SETBP1: variants seen among roughly 807,000 people sequenced by gnomAD.
SETBP1 encodes SET binding protein 1.
A neutral mutation model predicts 101.0 loss-of-function variants in SETBP1; 9 were observed. The ratio of observed to expected loss-of-function variants is 0.09; its 90% CI spans 0.05 to 0.16. SETBP1 has a LOEUF of 0.16. Ranked by LOEUF, SETBP1 falls within the 10% of genes least tolerant of loss-of-function variation. The pLI, the probability that SETBP1 is intolerant of heterozygous loss-of-function variation, is 1.00. For synonymous variants in SETBP1, 818 were observed against 788.5 expected, an observed-to-expected ratio of 1.04 and a Z score of -0.63; for missense variants, 1,858 against 2,033.8, an observed-to-expected ratio of 0.91 and a Z score of 1.66.
intron 4 of SETBP1, among the ~76,000 whole-genome samples, chr18:45,017,189 GA>G (rs1020030950): frequency 5.1e-4 from 77 of 151,992 alleles, no homozygotes; most frequent in African/African-American, 1.8e-3. Context: ...TGGAGAGCTA[GA>G]AAAAAAACAG....
intron 2 of SETBP1, among the ~76,000 whole-genome samples, chr18:44,843,490 A>G (rs1420197258): frequency 6.6e-6 from 1 of 152,170 alleles, no homozygotes; most frequent in Non-Finnish European, 1.5e-5. Flanking sequence ...GGGAAGACCG[A>G]GTCTCCTCAG....
intron 2 of SETBP1, among the ~76,000 whole-genome samples, chr18:44,749,089 C>T (rs1480746976): frequency 1.3e-5 from 2 of 152,160 alleles, no homozygotes; most frequent in Non-Finnish European, 2.9e-5. Context: ...CTACAAAGAG[C>T]AGCAACTTAG....
At chr18:44,935,393 C>G (rs1322169515) in intron 3 of SETBP1, among the ~76,000 whole-genome samples, 1 of 152,130 alleles carries the variant, frequency 6.6e-6, no homozygotes, top group African/African-American at 2.4e-5. Context: ...TTCCTCTGCT[C>G]TTTCTTATCT....
At chr18:45,014,660 T>A (rs1446911683) in intron 4 of SETBP1, among the ~76,000 whole-genome samples, 1 of 152,096 alleles carries the variant, frequency 6.6e-6, no homozygotes, top group Non-Finnish European at 1.5e-5. Flanking sequence ...TGGCATTGTT[T>A]AGTGGTTAAG....
chr18:44,833,899 G>A (rs2072432472), intron 2 of SETBP1, among the ~76,000 whole-genome samples: 1 of 152,214 alleles, frequency 6.6e-6, no homozygotes, highest in Admixed American at 6.5e-5. Context: ...ACCTGGTTTT[G>A]GGTATAAAAG....
chr18:45,051,217 C>G (rs2073715231), intron 5 of SETBP1, among the ~76,000 whole-genome samples: 3 of 152,032 alleles, frequency 2.0e-5, no homozygotes, highest in African/African-American at 7.2e-5. Flanking sequence ...TTTATGGTCT[C>G]TAAAAGGGAA....
rs138048560 is a variant in SETBP1, at chr18:44,881,543, C to T, written c.540+12260C>T. ...AGAAATTCCCCATCAGCTGTAATAA[C>T]GCCAATTACTTTGCCAATTGCAGAT... is the stretch of plus-strand genomic sequence containing the variant. On this transcript the variant is annotated intron_variant, in intron 3 of 5. Coordinates refer to ENST00000649279, the MANE Select transcript of SETBP1 (RefSeq NM_015559.3). 6.1e-4 allele frequency among the ~76,000 whole-genome samples: 93 copies of T among 152,304 alleles called. 1 individual carries two copies. In the East Asian group the frequency reaches 0.015, roughly 25 times the overall value.
chr18:44,794,265 T>G (rs577133688), intron 2 of SETBP1, among the ~76,000 whole-genome samples: 2 of 133,922 alleles, frequency 1.5e-5, no homozygotes, highest in South Asian at 4.5e-4. Flanking sequence ...TGGATACAGC[T>G]GTATTCTTAA....
chr18:44,923,864 A>T (rs1330696180), intron 3 of SETBP1, among the ~76,000 whole-genome samples: 3 of 152,124 alleles, frequency 2.0e-5, no homozygotes, highest in African/African-American at 7.2e-5. Context: ...TACCTGGAGG[A>T]GTGTGTGCAG....
At chr18:44,728,701 G>A (rs181980835) in intron 2 of SETBP1, among the ~76,000 whole-genome samples, 8 of 152,294 alleles carry the variant, frequency 5.3e-5, no homozygotes, top group African/African-American at 1.9e-4. Flanking sequence ...AGAAAGCTCT[G>A]GGATGGAGGG....
chr18:45,049,217 G>T (rs1350369356), intron 5 of SETBP1, among the ~76,000 whole-genome samples: 1 of 152,082 alleles, frequency 6.6e-6, no homozygotes, highest in Non-Finnish European at 1.5e-5. Flanking sequence ...GAGTTAAGAT[G>T]GACTTCTAAA....
At chr18:44,869,408 CT>C in intron 3 of SETBP1, 125 bp downstream of exon 3, 1 of 869,078 alleles carries the variant, frequency 1.2e-6, no homozygotes. Flanking sequence ...CTTTCCCTAG[CT>C]AACTGACAAT....
At chr18:44,817,802 G>A (rs62090597) in intron 2 of SETBP1, among the ~76,000 whole-genome samples, 8,830 of 152,210 alleles carry the variant, frequency 0.058, 350 homozygotes, top group East Asian at 0.13. Context: ...GAGGAGGAAC[G>A]TGGGTCTCTG....
At chr18:44,688,653 C>A (rs2068877660) in intron 1 of SETBP1, among the ~76,000 whole-genome samples, 1 of 152,032 alleles carries the variant, frequency 6.6e-6, no homozygotes, top group African/African-American at 2.4e-5. Flanking sequence ...GGGGTTTCAC[C>A]ATGTTGGCCT....
At chr18:44,979,770 C>G (rs866961393) in intron 4 of SETBP1, among the ~76,000 whole-genome samples, 28 of 152,214 alleles carry the variant, frequency 1.8e-4, no homozygotes, top group African/African-American at 6.8e-4. Context: ...AAAACTCACT[C>G]TATGCAATTG....
chr18:44,949,939 A>T lies in SETBP1; in HGVS notation c.599A>T (p.Asp200Val), dbSNP rs1283913787. 7 of 1,614,080 alleles carry T rather than the reference A, an allele frequency of 4.3e-6. No individual in the cohort carries two copies. The highest frequency in any genetic ancestry group is 5.9e-6 in the Non-Finnish European group (7 of 1,180,016). Reference sequence around the variant, plus strand: ...CATTATGACACGGGCCTCCCACAGGACTTCACCGGTGACACCTTAAAACCA... The same window carrying T: ...CATTATGACACGGGCCTCCCACAGGTCTTCACCGGTGACACCTTAAAACCA... ...TLHYDTGLPQ[D>V]FTGDTLKPKH... is the part of the protein sequence containing the mutation. The change falls in exon 4 of 6, where the codon GAC becomes GTC. Residue 200 changes from aspartate (D) to valine (V), a missense_variant. Asp to Val is a radical substitution (Grantham distance 152). This residue lies in a region of SETBP1 where 581 missense variants were observed against 535.1 expected (regional missense o/e 1.09). Coordinates refer to ENST00000649279, the MANE Select transcript of SETBP1 (RefSeq NM_015559.3).
rs187112086 is a variant in SETBP1, at chr18:45,018,815, G to T, written c.4001-19670G>T. Among the ~76,000 whole-genome samples, 307 of 152,222 alleles carry T rather than the reference G, an allele frequency of 2.0e-3. 2 individuals carry two copies. The highest frequency in any genetic ancestry group is 3.2e-3 in the Admixed American group (49 of 15,292). On this transcript the variant is annotated intron_variant, in intron 4 of 5. Transcript: ENST00000649279. ...TGTGGCTAAGTATTAAACTGATTAC[G>T]AGCAAAATTTACGGAGCTATGGCAT...
Position 45,038,616 on chromosome 18 carries a change from T to A in SETBP1, c.4132T>A (p.Leu1378Ile), listed in dbSNP as rs374527037. The A allele has an allele frequency of 1.2e-6, 2 of 1,614,158 alleles. No homozygotes were observed. Among genetic ancestry groups the A allele is most frequent in the Middle Eastern group, 1.6e-4 (1 of 6,062 alleles). The change falls in exon 5 of 6, where the codon TTA becomes ATA. Residue 1378 changes from leucine (L) to isoleucine (I), a missense_variant. Leu to Ile is a conservative substitution (Grantham distance 5). This residue lies in a region of SETBP1 where 417 missense variants were observed against 389.1 expected (regional missense o/e 1.07). Coordinates refer to ENST00000649279, the MANE Select transcript of SETBP1 (RefSeq NM_015559.3). ...DSVTIPPAPV[L>I]SLLAASAATS... ...TGTTACAATTCCACCAGCCCCAGTG[T>A]TATCTCTCCTTGCTGCATCTGCAGC...
chr18:44,877,084 CT>C, intron 3 of SETBP1: 1 of 1,029,998 alleles, frequency 9.7e-7, no homozygotes, highest in Non-Finnish European at 1.2e-6. Flanking sequence ...TCTAGCTTGC[CT>C]TGTATCAGCT....
Sources: allele counts gnomAD v4.1 joint callset (sites outside exome capture counted in the v4.1 genomes callset), GRCh38; gene constraint gnomAD v4.1.1; regional missense constraint gnomAD v4.1.1; transcripts MANE v1.5; gene names NCBI Gene and HGNC (gene_info 2026-07-23, HGNC 2026-07-21).